GDF6: variants seen among roughly 807,000 people sequenced by gnomAD.
GDF6 encodes growth differentiation factor 6.
Under a neutral mutation model 32.4 loss-of-function variants are expected in GDF6, and 3 were observed. That is an observed-to-expected ratio of 0.09 (90% CI 0.04 to 0.24). The LOEUF (loss-of-function observed/expected upper bound fraction) is 0.24, where lower values mean the gene tolerates loss of function less well. Ranked by LOEUF, GDF6 falls within the 10% of genes least tolerant of loss-of-function variation. The pLI, the probability that GDF6 is intolerant of heterozygous loss-of-function variation, is 1.00. For synonymous variants in GDF6, 296 were observed against 295.3 expected, an observed-to-expected ratio of 1.00 and a Z score of -0.03; for missense variants, 589 against 637.9, an observed-to-expected ratio of 0.92 and a Z score of 0.83.
intron 1 of GDF6, among the ~76,000 whole-genome samples, chr8:96,148,935 A>G (rs1254645552): frequency 6.6e-6 from 1 of 152,232 alleles, no homozygotes; most frequent in Non-Finnish European, 1.5e-5. Flanking sequence ...CCTGCATCAC[A>G]GAAATAGCTC....
chr8:96,154,947 C>A (rs982592795), intron 1 of GDF6, among the ~76,000 whole-genome samples: 3 of 152,158 alleles, frequency 2.0e-5, no homozygotes, highest in Non-Finnish European at 2.9e-5. Context: ...CCCTGCGTTC[C>A]CCGCGGGTCC....
chr8:96,145,597 G>T lies in GDF6; in HGVS notation c.407-73C>A, dbSNP rs1586119015. ...CAGCCCGGTGCTCTTCGGCCGCCCC[G>T]GGAGGAAAAGGGCGGGGAGTGGGGG... On this transcript the variant is annotated intron_variant, in intron 1 of 1. Coordinates refer to ENST00000287020, the MANE Select transcript of GDF6 (RefSeq NM_001001557.4). This position sits in a 1 kb window ranked among gnomAD's most constrained non-coding sequence, Gnocchi z 5.6. 1 of 1,576,984 alleles carries T rather than the reference G, an allele frequency of 6.3e-7. No homozygotes were observed. Among genetic ancestry groups the T allele is most frequent in the Non-Finnish European group, 8.6e-7 (1 of 1,164,494 alleles).
chr8:96,158,037 C>A (rs1478968848), intron 1 of GDF6, among the ~76,000 whole-genome samples: 1 of 152,204 alleles, frequency 6.6e-6, no homozygotes, highest in Non-Finnish European at 1.5e-5. Context: ...CCTTCCCAGT[C>A]AACGAACTGC....
chr8:96,144,912 C>T lies in GDF6; in HGVS notation c.1019G>A (p.Ser340Asn). Residue 340 changes from serine (S) to asparagine (N), a missense_variant, in exon 2 of 2, where the codon AGT (serine) becomes AAT (asparagine). Ser to Asn is a conservative substitution (Grantham distance 46). Around this residue, in one of 2 missense-constraint regions of GDF6, gnomAD observed 153 missense variants for 226.7 expected, o/e 0.67. Transcript: ENST00000287020. The surrounding 1 kb of genome is among the most constrained non-coding windows in gnomAD (Gnocchi z 5.1). The part of the protein sequence containing the change: ...GRRRRRTAFA[S>N]RHGKRHGKKS... ...CTTGCCGTGCCGCTTGCCATGGCGA[C>T]TGGCGAAGGCCGTGCGCCGCCGCCG... The T allele has an allele frequency of 6.2e-7, 1 of 1,610,184 alleles. No homozygotes were observed.
At chr8:96,147,327 A>G (rs1006335809) in intron 1 of GDF6, among the ~76,000 whole-genome samples, 2 of 152,216 alleles carry the variant, frequency 1.3e-5, no homozygotes, top group Admixed American at 1.3e-4. Flanking sequence ...CAAACAGACC[A>G]GGGTCACATT....
chr8:96,157,460 C>T (rs889957002), intron 1 of GDF6, among the ~76,000 whole-genome samples: 3 of 152,232 alleles, frequency 2.0e-5, no homozygotes, highest in African/African-American at 7.2e-5. Flanking sequence ...GGACTGACTT[C>T]GGGGCTCCTT....
In GDF6 at chr8:96,145,152, A is replaced by C. The variant is rs1249752775; in HGVS notation, c.779T>G (p.Leu260Arg). The C allele has an allele frequency of 6.6e-7, 1 of 1,509,158 alleles. No homozygotes were observed. 93.5% of individuals were successfully genotyped at this position (1,509,158 alleles called of 1,614,324 possible). A position where few individuals can be genotyped will look rare whatever the true frequency, so the allele number is the denominator to read the frequency against. Residue 260 changes from leucine to arginine, a missense_variant, in exon 2 of 2, where the codon CTG becomes CGG. Physicochemically the swap from Leu to Arg is moderately radical, Grantham distance 102 (BLOSUM62 -2). Coordinates refer to ENST00000287020, the MANE Select transcript of GDF6 (RefSeq NM_001001557.4). The surrounding 1 kb of genome is among the most constrained non-coding windows in gnomAD (Gnocchi z 5.6). Reference sequence around the variant, plus strand: ...CCTCCGGCCGAAGCCCAGACTCCGCAGGTCCGGGGGCGGCGGTTGCTGGGG... The same window carrying C: ...CCTCCGGCCGAAGCCCAGACTCCGCCGGTCCGGGGGCGGCGGTTGCTGGGG... ...RGPQQPPPPD[L>R]RSLGFGRRVR...
intron 1 of GDF6, among the ~76,000 whole-genome samples, chr8:96,153,275 C>G (rs997935207): frequency 1.3e-5 from 2 of 152,282 alleles, no homozygotes; most frequent in Non-Finnish European, 2.9e-5. Flanking sequence ...GCTGCGTGCT[C>G]TCTTGAGGGG....
In GDF6 at chr8:96,160,316, G is replaced by GT. The variant is rs761771198; in HGVS notation, c.376dup (p.Thr126AsnfsTer26). ...TCCCCTGTCTACAAAGCTGGTGATC[G>GT]TATTAGCCGACTTGGAAGACTGGAA... On this transcript the variant is annotated frameshift_variant, in exon 1 of 2. Transcript: ENST00000287020. LOFTEE classifies it high-confidence loss of function. 1 of 1,614,242 alleles carries GT rather than the reference G, an allele frequency of 6.2e-7. No individual in the cohort carries two copies.
chr8:96,155,066 G>A (rs1183458426), intron 1 of GDF6, among the ~76,000 whole-genome samples: 1 of 152,160 alleles, frequency 6.6e-6, no homozygotes, highest in Non-Finnish European at 1.5e-5. Flanking sequence ...CGTGATCTGT[G>A]GTCTGAGTGA....
intron 1 of GDF6, among the ~76,000 whole-genome samples, chr8:96,152,668 T>G (rs1812588692): frequency 6.6e-6 from 1 of 152,194 alleles, no homozygotes; most frequent in South Asian, 2.1e-4. Context: ...CAGTGTGTGT[T>G]CCTTCTCATC....
At chr8:96,149,701 G>A (rs1317631179) in intron 1 of GDF6, among the ~76,000 whole-genome samples, 1 of 152,200 alleles carries the variant, frequency 6.6e-6, no homozygotes, top group Non-Finnish European at 1.5e-5. Context: ...GTACCTATTT[G>A]CAAAGTAATT....
At chr8:96,160,110 T>C (rs1812735051) in intron 1 of GDF6, among the ~76,000 whole-genome samples, 177 bp downstream of exon 1, 2 of 152,318 alleles carry the variant, frequency 1.3e-5, no homozygotes, top group African/African-American at 2.4e-5. Flanking sequence ...GAGACTGGAA[T>C]AGAATCCGCA....
In GDF6 at chr8:96,160,329, T is replaced by G. The variant is rs746194164; in HGVS notation, c.364A>C (p.Lys122Gln). 6.2e-6 allele frequency: 10 copies of G among 1,614,120 alleles called. No individual in the cohort carries two copies. In the East Asian group the frequency reaches 1.8e-4, roughly 29 times the overall value. The change falls in exon 1 of 2, where the codon AAG (lysine) becomes CAG (glutamine). Residue 122 changes from lysine (K) to glutamine (Q), a missense_variant. Lys to Gln is a moderately conservative substitution (Grantham distance 53). This residue lies in a region of GDF6 where 436 missense variants were observed against 411.2 expected (regional missense o/e 1.06). Coordinates refer to ENST00000287020, the MANE Select transcript of GDF6 (RefSeq NM_001001557.4). ...AAGCTGGTGATCGTATTAGCCGACT[T>G]GGAAGACTGGAAAAAGCTGGCATTG... ...GINASFFQSS[K>Q]SANTITSFVD...
chr8:96,148,608 T>G (rs1246030509), intron 1 of GDF6, among the ~76,000 whole-genome samples: 1 of 152,216 alleles, frequency 6.6e-6, no homozygotes, highest in Non-Finnish European at 1.5e-5. Context: ...AAGAAATTAC[T>G]CTAAGAACCA....
Position 96,144,290 on chromosome 8 carries a change from GA to G in GDF6, c.*272del, listed in dbSNP as rs112042997. ...AGAGAGAGAGAGAGAGAGAGAGAGA[GA>G]AAACAGAACAAAAGAAATCCTCCTT... On this transcript the variant is annotated 3_prime_UTR_variant, in exon 2 of 2. Coordinates refer to ENST00000287020, the MANE Select transcript of GDF6 (RefSeq NM_001001557.4). This position sits in a 1 kb window ranked among gnomAD's most constrained non-coding sequence, Gnocchi z 5.1. 449 of 439,218 alleles carry G rather than the reference GA, an allele frequency of 1.0e-3. 11 individuals carry two copies. The African/African-American group carries it at 0.012, about 12-fold the overall frequency. 27.2% of individuals were successfully genotyped at this position (439,218 alleles called of 1,614,324 possible). A position where few individuals can be genotyped will look rare whatever the true frequency, so the allele number is the denominator to read the frequency against.
chr8:96,155,634 G>A (rs1413466355), intron 1 of GDF6, among the ~76,000 whole-genome samples: 1 of 152,204 alleles, frequency 6.6e-6, no homozygotes, highest in Non-Finnish European at 1.5e-5. Flanking sequence ...TCTTTTCCAA[G>A]GCTGTTCCCT....
intron 1 of GDF6, among the ~76,000 whole-genome samples, chr8:96,150,284 G>T (rs1490393641): frequency 6.6e-6 from 1 of 152,276 alleles, no homozygotes; most frequent in African/African-American, 2.4e-5. Context: ...GTCCCGCCAC[G>T]CCTCCCAGCC....
Position 96,144,361 on chromosome 8 carries a change from T to C in GDF6, c.*202A>G. 1.6e-6 allele frequency: 1 copy of C among 615,806 alleles called. No individual in the cohort carries two copies. The highest frequency in any genetic ancestry group is 2.8e-5 in the East Asian group (1 of 35,542). The allele number at this position is 615,806 out of a possible 1,614,324, so 38.1% of individuals were successfully genotyped here. ...GCCAGGCAAGGTGTGAAAATCCATA[T>C]TTCCCTCTGGGCTGGCAGGTAGAAG... On this transcript the variant is annotated 3_prime_UTR_variant, in exon 2 of 2. Coordinates refer to ENST00000287020, the MANE Select transcript of GDF6 (RefSeq NM_001001557.4). This position sits in a 1 kb window ranked among gnomAD's most constrained non-coding sequence, Gnocchi z 5.1.
Sources: gnomAD v4.1 joint callset for allele counts (sites outside exome capture counted in the v4.1 genomes callset) on GRCh38, gnomAD v4.1.1 for gene constraint, gnomAD v4.1.1 regional missense constraint, Gnocchi (gnomAD v3.1) non-coding constraint, MANE v1.5 for transcripts, NCBI Gene and HGNC (gene_info 2026-07-23, HGNC 2026-07-21) for gene names.